The following ZFHX3 variants were observed in gnomAD, a reference collection of about 807,000 sequenced individuals.
ZFHX3 encodes zinc finger homeobox protein 3.
Under a neutral mutation model 279.1 loss-of-function variants are expected in ZFHX3, and 42 were observed. The observed-to-expected ratio is 0.15, with a 90% CI of 0.12 to 0.19. The LOEUF (loss-of-function observed/expected upper bound fraction) is 0.19, where lower values mean the gene tolerates loss of function less well. Ranked by LOEUF, ZFHX3 falls within the 10% of genes least tolerant of loss-of-function variation. ZFHX3 has a pLI of 1.00. For missense variants in ZFHX3, 4,981 were observed against 4,754.0 expected, an observed-to-expected ratio of 1.05 and a Z score of -1.40; for synonymous variants, 2,293 against 1,957.8, an observed-to-expected ratio of 1.17 and a Z score of -4.52.
chr16:73,031,589 T>A (rs753357773), intron 1 of ZFHX3, among the ~76,000 whole-genome samples: 1 of 152,210 alleles, frequency 6.6e-6, no homozygotes, highest in Non-Finnish European at 1.5e-5. Context: ...AGTACTTAAG[T>A]GTTTCCAGAC....
chr16:73,088,029 T>C (rs1167351297), intron 8 of ZFHX3, among the ~76,000 whole-genome samples: 1 of 152,198 alleles, frequency 6.6e-6, no homozygotes, highest in Non-Finnish European at 1.5e-5. Flanking sequence ...GGTTTCTCCA[T>C]GTTGGCCAGG....
intron 1 of ZFHX3, among the ~76,000 whole-genome samples, chr16:73,839,359 A>C (rs544297997): frequency 1.4e-5 from 2 of 141,092 alleles, no homozygotes; most frequent in South Asian, 4.4e-4. Flanking sequence ...AAAAAAAAAA[A>C]AAAAAAAGTT....
chr16:73,054,415 C>T (rs1416915748), intron 1 of ZFHX3, among the ~76,000 whole-genome samples: 1 of 137,922 alleles, frequency 7.3e-6, no homozygotes, highest in Admixed American at 7.3e-5. Flanking sequence ...CATCCCGATA[C>T]AGGAGGTCGG....
chr16:72,844,001 C>G (rs967230053), intron 4 of ZFHX3, among the ~76,000 whole-genome samples: 2 of 152,124 alleles, frequency 1.3e-5, no homozygotes, highest in African/African-American at 4.8e-5. Context: ...TCTCTCTCCC[C>G]CTCTCCTACA....
chr16:73,769,835 T>C (rs2053997580), intron 1 of ZFHX3, among the ~76,000 whole-genome samples: 2 of 152,192 alleles, frequency 1.3e-5, no homozygotes, highest in Admixed American at 6.5e-5. Flanking sequence ...GAATTGCCCA[T>C]TATTGAACCA....
intron 3 of ZFHX3, among the ~76,000 whole-genome samples, chr16:72,898,952 AG>A (rs150348120): frequency 0.029 from 4,410 of 152,058 alleles, 143 homozygotes; most frequent in South Asian, 0.14. Flanking sequence ...TCAGAAGCTG[AG>A]GGGGGTATGT....
At chr16:73,644,427 A>T (rs1346279799) in intron 2 of ZFHX3, among the ~76,000 whole-genome samples, 2 of 152,068 alleles carry the variant, frequency 1.3e-5, no homozygotes, top group Non-Finnish European at 2.9e-5. Context: ...TGGGAGGCAG[A>T]GGGGGGCAGA....
At chr16:72,981,238 A>G (rs1393334294) in intron 1 of ZFHX3, among the ~76,000 whole-genome samples, 1 of 152,226 alleles carries the variant, frequency 6.6e-6, no homozygotes, top group African/African-American at 2.4e-5. Context: ...TTAAAAGAAC[A>G]CAGAAAAAGA....
intron 2 of ZFHX3, among the ~76,000 whole-genome samples, chr16:73,633,766 C>A (rs1198822753): frequency 6.6e-6 from 1 of 152,054 alleles, no homozygotes; most frequent in Non-Finnish European, 1.5e-5. Context: ...GGCATGGTGG[C>A]ACATGCCTGT....
At position 72,787,721 on chromosome 16, in the gene ZFHX3, C is replaced by CGCCGCCGCCGCCGCCACT. The variant is rs775843921; in HGVS notation, c.10537_10554dup (p.Ser3513_Gly3518dup). On this transcript the variant is annotated inframe_insertion, in exon 10 of 10. Transcript: ENST00000268489. ...CCGCCGCCGCCGCCGCCGCCGCCAC[C>CGCCGCCGCCGCCGCCACT]GCCGCCGCCGCCGCCACTGCCACCG... 3.9e-6 allele frequency: 5 copies of CGCCGCCGCCGCCGCCACT among 1,283,800 alleles called. No homozygotes were observed. The highest frequency in any genetic ancestry group is 1.7e-5 in the African/African-American group (1 of 60,510). 79.5% of individuals were successfully genotyped at this position (1,283,800 alleles called of 1,614,324 possible). A position where few individuals can be genotyped will look rare whatever the true frequency, so the allele number is the denominator to read the frequency against.
At chr16:73,713,743 A>C (rs1436884385) in intron 1 of ZFHX3, among the ~76,000 whole-genome samples, 1 of 152,052 alleles carries the variant, frequency 6.6e-6, no homozygotes, top group Admixed American at 6.6e-5. Flanking sequence ...CTGTGACTCA[A>C]TCCATATGCT....
intron 1 of ZFHX3, among the ~76,000 whole-genome samples, chr16:73,682,808 G>C (rs1391307435): frequency 7.1e-6 from 1 of 140,856 alleles, no homozygotes; most frequent in Non-Finnish European, 1.6e-5. Context: ...AAGAAAGAAA[G>C]AAAGAGAGAA....
intron 1 of ZFHX3, among the ~76,000 whole-genome samples, chr16:73,752,664 G>C (rs1182186477): frequency 6.6e-6 from 1 of 152,186 alleles, no homozygotes; most frequent in East Asian, 1.9e-4. Context: ...ACTTGGGTCA[G>C]TCTATCCATG....
intron 2 of ZFHX3, among the ~76,000 whole-genome samples, chr16:73,616,268 A>C (rs2052299890): frequency 6.6e-6 from 1 of 151,054 alleles, no homozygotes; most frequent in Non-Finnish European, 1.5e-5. Context: ...ATGTGCTTTT[A>C]CTTTCCATTC....
At chr16:73,254,947 C>T (rs1275171289) in intron 5 of ZFHX3, among the ~76,000 whole-genome samples, 1 of 152,142 alleles carries the variant, frequency 6.6e-6, no homozygotes, top group Admixed American at 6.5e-5. Flanking sequence ...ATCCATCCAT[C>T]CACCCATCCA....
chr16:73,741,613 G>T (rs949840362), intron 1 of ZFHX3, among the ~76,000 whole-genome samples: 1 of 152,198 alleles, frequency 6.6e-6, no homozygotes, highest in Non-Finnish European at 1.5e-5. Flanking sequence ...GGACTCTCCA[G>T]TTAGCCCCAC....
At chr16:72,817,141 T>C (rs1360665501) in intron 5 of ZFHX3, among the ~76,000 whole-genome samples, 1 of 152,228 alleles carries the variant, frequency 6.6e-6, no homozygotes, top group African/African-American at 2.4e-5. Context: ...CTTAGAAAAC[T>C]TGTCAAGTGG....
intron 2 of ZFHX3, among the ~76,000 whole-genome samples, chr16:73,476,827 T>C (rs2018774261): frequency 6.6e-6 from 1 of 152,224 alleles, no homozygotes; most frequent in African/African-American, 2.4e-5. Flanking sequence ...TAACAATAAG[T>C]CAGATGTTTC....
intron 1 of ZFHX3, among the ~76,000 whole-genome samples, chr16:73,856,892 G>A (rs72805043): frequency 7.9e-5 from 12 of 152,298 alleles, no homozygotes; most frequent in Non-Finnish European, 1.6e-4. Context: ...ATGCCCCACC[G>A]TTGTTTGAAC....
Sources: gnomAD v4.1 joint callset for allele counts (sites outside exome capture counted in the v4.1 genomes callset) on GRCh38, gnomAD v4.1.1 for gene constraint, MANE v1.5 for transcripts, NCBI Gene and HGNC (gene_info 2026-07-23, HGNC 2026-07-21) for gene names.